The following CGGBP1 variants were observed in gnomAD, a reference collection of about 807,000 sequenced individuals.
CGGBP1 encodes CGG triplet repeat binding protein 1.
In CGGBP1, 4 loss-of-function variants were observed where a neutral mutation model predicts 11.4. The ratio of observed to expected loss-of-function variants is 0.35; its 90% CI spans 0.17 to 0.80. The LOEUF (loss-of-function observed/expected upper bound fraction) is 0.80. Ranked by LOEUF, CGGBP1 falls within the 30% of genes least tolerant of loss-of-function variation. The pLI, the probability that CGGBP1 is intolerant of heterozygous loss-of-function variation, is 0.52. For missense variants in CGGBP1, 135 were observed against 202.1 expected, an observed-to-expected ratio of 0.67 and a Z score of 2.01; for synonymous variants, 76 against 74.1, an observed-to-expected ratio of 1.03 and a Z score of -0.13.
chr3:88,077,194 G>A (rs1037074047), intron 2 of CGGBP1, among the ~76,000 whole-genome samples: 3 of 152,142 alleles, frequency 2.0e-5, no homozygotes, highest in Admixed American at 6.5e-5. Context: ...AGGGGAGGAG[G>A]ATTGTGAATG....
chr3:88,098,572 A>G (rs1704206038), intron 2 of CGGBP1, among the ~76,000 whole-genome samples: 3 of 152,210 alleles, frequency 2.0e-5, no homozygotes, highest in Non-Finnish European at 2.9e-5. Context: ...CATTGATGCA[A>G]AAATCCTCAG....
intron 2 of CGGBP1, among the ~76,000 whole-genome samples, chr3:88,119,476 GCA>G (rs1270910790): frequency 6.7e-6 from 1 of 149,030 alleles, no homozygotes; most frequent in Admixed American, 6.7e-5. Flanking sequence ...CACCAGCATG[GCA>G]CATGTATACA....
chr3:88,148,807 T>C (rs113110626), intron 1 of CGGBP1, among the ~76,000 whole-genome samples: 98 of 152,206 alleles, frequency 6.4e-4, no homozygotes, highest in Middle Eastern at 6.8e-3. Context: ...GCCAGGCTAA[T>C]TTTTTGTATT....
At chr3:88,069,937 C>T (rs931357471) in intron 2 of CGGBP1, among the ~76,000 whole-genome samples, 5 of 152,182 alleles carry the variant, frequency 3.3e-5, no homozygotes, top group African/African-American at 1.2e-4. Context: ...ATCTGGAAAT[C>T]CTACCAGTCC....
chr3:88,064,916 A>G (rs1354267588), intron 2 of CGGBP1, among the ~76,000 whole-genome samples: 1 of 152,250 alleles, frequency 6.6e-6, no homozygotes, highest in Non-Finnish European at 1.5e-5. Context: ...ATTTGCAGTC[A>G]CTTATTTACT....
chr3:88,143,090 T>C (rs1464666679), intron 1 of CGGBP1: 1 of 152,300 alleles, frequency 6.6e-6, no homozygotes, highest in African/African-American at 2.4e-5. Context: ...TAATAAAATC[T>C]TTGTTCAAGG....
chr3:88,097,685 A>G (rs1704143801), intron 2 of CGGBP1, among the ~76,000 whole-genome samples: 1 of 152,124 alleles, frequency 6.6e-6, no homozygotes, highest in South Asian at 2.1e-4. Context: ...AACTCACTCA[A>G]AACCGCTCAA....
intron 1 of CGGBP1, among the ~76,000 whole-genome samples, chr3:88,148,003 T>C (rs1419206210): frequency 6.6e-6 from 1 of 152,192 alleles, no homozygotes; most frequent in African/African-American, 2.4e-5. Context: ...AACACATTGC[T>C]CATTGCCTCC....
chr3:88,059,480 G>C, upstream of CGGBP1: 2 of 1,513,110 alleles, frequency 1.3e-6, no homozygotes, highest in South Asian at 1.2e-5. Flanking sequence ...ATCAGCAGTC[G>C]GGATTACTGC....
At chr3:88,084,486 C>A (rs781230973) in intron 2 of CGGBP1, among the ~76,000 whole-genome samples, 2 of 152,150 alleles carry the variant, frequency 1.3e-5, no homozygotes, top group Non-Finnish European at 2.9e-5. Flanking sequence ...GTAGTGATGA[C>A]CGCATAGTTA....
intron 2 of CGGBP1, among the ~76,000 whole-genome samples, chr3:88,121,287 T>C (rs1277331148): frequency 1.3e-5 from 2 of 152,162 alleles, no homozygotes; most frequent in Non-Finnish European, 2.9e-5. Flanking sequence ...TAAAAACTCA[T>C]TAAAATGTTC....
intron 2 of CGGBP1, chr3:88,086,482 G>T: frequency 8.2e-7 from 1 of 1,220,408 alleles, no homozygotes; most frequent in Non-Finnish European, 1.1e-6. Context: ...TTCTTCTGAA[G>T]AAGAAACCTT....
upstream of CGGBP1, chr3:88,059,145 T>C (rs146514820): frequency 1.6e-6 from 2 of 1,271,314 alleles, no homozygotes; most frequent in Admixed American, 2.9e-5. Context: ...CGTCTTCCAA[T>C]AAAAACTGGG....
At chr3:88,073,247 T>A (rs1173551357) in intron 2 of CGGBP1, among the ~76,000 whole-genome samples, 3 of 152,142 alleles carry the variant, frequency 2.0e-5, no homozygotes, top group Non-Finnish European at 4.4e-5. Flanking sequence ...TTGTCACATT[T>A]TCCCAATGAG....
chr3:88,083,645 G>A (rs1183423214), intron 2 of CGGBP1, among the ~76,000 whole-genome samples: 1 of 152,148 alleles, frequency 6.6e-6, no homozygotes, highest in Non-Finnish European at 1.5e-5. Flanking sequence ...AAGATTGCTA[G>A]CCTTAATCTT....
Position 88,135,189 on chromosome 3 carries a change from T to C in CGGBP1, c.-229+5781A>G, listed in dbSNP as rs1321032258. 23 of 1,485,794 alleles carry C rather than the reference T, an allele frequency of 1.5e-5. No individual in the cohort carries two copies. In the East Asian group the frequency reaches 6.1e-4, roughly 39 times the overall value. 92.0% of individuals were successfully genotyped at this position (1,485,794 alleles called of 1,614,324 possible). On this transcript the variant is annotated intron_variant, in intron 2 of 3. Coordinates refer to the CGGBP1 transcript ENST00000462901. ...AGAGTCATATTTCCTTTCATGAAAA[T>C]CATCAAAGATGAGGTAAATAGGATA...
intron 2 of CGGBP1, among the ~76,000 whole-genome samples, chr3:88,084,341 C>A (rs1270471415): frequency 6.6e-6 from 1 of 152,108 alleles, no homozygotes; most frequent in African/African-American, 2.4e-5. Flanking sequence ...CTGTCAGGTA[C>A]CTATTTTTTA....
chr3:88,105,695 A>AT lies in CGGBP1; in HGVS notation c.-229+35274dup, dbSNP rs573422927. ...CACAATTTATTCTGTCAATCTTCTG[A>AT]TTTTTTTTGACTAAACTAATAAATG... On this transcript the variant is annotated intron_variant, in intron 2 of 3. Coordinates refer to the CGGBP1 transcript ENST00000462901. Among the ~76,000 whole-genome samples, 68 of 151,874 alleles carry AT rather than the reference A, an allele frequency of 4.5e-4. No individual in the cohort carries two copies. In the East Asian group the frequency reaches 9.9e-3, roughly 22 times the overall value.
intron 2 of CGGBP1, among the ~76,000 whole-genome samples, chr3:88,078,102 T>C (rs1339415741): frequency 6.6e-6 from 1 of 152,222 alleles, no homozygotes; most frequent in African/African-American, 2.4e-5. Context: ...TTTCAAACTA[T>C]TGTGAATATC....
Sources: gnomAD v4.1 joint callset for allele counts (sites outside exome capture counted in the v4.1 genomes callset) on GRCh38, gnomAD v4.1.1 for gene constraint, MANE v1.5 for transcripts, NCBI Gene and HGNC (gene_info 2026-07-23, HGNC 2026-07-21) for gene names.